Variants in UCHL5 observed in about 807,000 individuals in gnomAD.
The protein encoded by UCHL5 is ubiquitin carboxyl-terminal hydrolase isozyme L5.
Under a neutral mutation model 53.8 loss-of-function variants are expected in UCHL5, and 34 were observed. The observed-to-expected ratio is 0.63, with a 90% CI of 0.48 to 0.84. The LOEUF (loss-of-function observed/expected upper bound fraction) is 0.84. UCHL5 is among the 40% of genes least tolerant of loss of function. The probability of loss-of-function intolerance (pLI) is 0.00; values close to 1 mark genes in which losing one functional copy is unlikely to be tolerated. For synonymous variants in UCHL5, 111 were observed against 126.3 expected, an observed-to-expected ratio of 0.88 and a Z score of 0.81; for missense variants, 290 against 385.6, an observed-to-expected ratio of 0.75 and a Z score of 2.08.
At chr1:193,027,850 C>T in intron 7 of UCHL5, 3 of 1,395,580 alleles carry the variant, frequency 2.1e-6, no homozygotes, top group Non-Finnish European at 2.9e-6. Context: ...TGGCTGGGCA[C>T]AGTGGCTCAC....
At chr1:193,027,266 T>C (rs1425195948) in intron 7 of UCHL5, among the ~76,000 whole-genome samples, 1 of 152,170 alleles carries the variant, frequency 6.6e-6, no homozygotes, top group Non-Finnish European at 1.5e-5. Context: ...TATTATTTCT[T>C]ACAACTGAAT....
rs1283114870 is a variant in UCHL5 at position 193,015,523 on chromosome 1, C to T, written c.*828G>A. ...ATTTATTCAAATTGGCATAGAAAGACCCCCATCACCACTACCATCTTTTTA... is the reference window on the plus strand; with the variant it reads ...ATTTATTCAAATTGGCATAGAAAGATCCCCATCACCACTACCATCTTTTTA... On this transcript the variant is annotated 3_prime_UTR_variant, in exon 11 of 11. Coordinates refer to ENST00000367454, the MANE Select transcript of UCHL5 (RefSeq NM_001199261.3). The T allele has an allele frequency of 6.6e-6, 1 of 151,888 alleles. No individual in the cohort carries two copies. Among genetic ancestry groups the T allele is most frequent in the African/African-American group, 2.4e-5 (1 of 41,386 alleles). 9.4% of individuals were successfully genotyped at this position (151,888 alleles called of 1,614,324 possible).
At chr1:193,052,052 G>A (rs1332289438) in intron 1 of UCHL5, among the ~76,000 whole-genome samples, 2 of 151,936 alleles carry the variant, frequency 1.3e-5, no homozygotes, top group Non-Finnish European at 1.5e-5. Flanking sequence ...ACCACTCTAT[G>A]ACTGTTCCTT....
Position 193,049,769 on chromosome 1 carries a change from C to T in UCHL5, c.223G>A (p.Asp75Asn). Residue 75 changes from aspartate to asparagine, a missense_variant, in exon 3 of 11, where the codon GAC (aspartate) becomes AAC (asparagine). Transcript: ENST00000367454. ...ACCTGCTTAGCAAAAAATATCGTGT[C>T]AAGTCGGGAGTCCTGAACCACAGAG... is the stretch of plus-strand genomic sequence containing the variant. ...AGSVVQDSRL[D>N]TIFFAKQVIN... 1 of 1,611,364 alleles carries T rather than the reference C, an allele frequency of 6.2e-7. No individual in the cohort carries two copies. The highest frequency in any genetic ancestry group is 8.5e-7 in the Non-Finnish European group (1 of 1,178,564).
rs1654735557 is a variant in UCHL5, at chr1:193,015,352, A to G, written c.*999T>C. ...AAGTAGGTTACTTCCTTTAAAAAAG[A>G]AAGCTTTATAAAGTCTTCTTTAAAG... On this transcript the variant is annotated 3_prime_UTR_variant, in exon 11 of 11. Coordinates refer to ENST00000367454, the MANE Select transcript of UCHL5 (RefSeq NM_001199261.3). The G allele has an allele frequency of 1.3e-5, 2 of 152,210 alleles. No homozygotes were observed. The highest frequency in any genetic ancestry group is 4.1e-4 in the South Asian group (2 of 4,828). The allele number at this position is 152,210 out of a possible 1,614,324, so 9.4% of individuals were successfully genotyped here.
At chr1:193,025,001 A>G (rs1658623299) in intron 7 of UCHL5, among the ~76,000 whole-genome samples, 1 of 152,198 alleles carries the variant, frequency 6.6e-6, no homozygotes, top group Admixed American at 6.5e-5. Context: ...ACATTCTGAA[A>G]GGTAGAAAAA....
chr1:193,020,319 T>C, intron 10 of UCHL5: 1 of 1,546,774 alleles, frequency 6.5e-7, no homozygotes, highest in Non-Finnish European at 8.7e-7. Flanking sequence ...TGTATTCTCG[T>C]CTTTAAGTTA....
intron 1 of UCHL5, among the ~76,000 whole-genome samples, chr1:193,054,345 CCCCTAA>C (rs1670002860): frequency 6.6e-6 from 1 of 152,150 alleles, no homozygotes; most frequent in Non-Finnish European, 1.5e-5. Flanking sequence ...ACTTGTCATT[CCCCTAA>C]CCCTACCGAT....
At chr1:193,053,489 T>A (rs1053322825) in intron 1 of UCHL5, among the ~76,000 whole-genome samples, 1 of 152,212 alleles carries the variant, frequency 6.6e-6, no homozygotes, top group African/African-American at 2.4e-5. Flanking sequence ...TCTATCTCCT[T>A]ACATATGTTA....
Position 193,014,335 on chromosome 1 carries a change from C to T in UCHL5, c.*2016G>A, listed in dbSNP as rs1654582855. The T allele has an allele frequency of 6.6e-6, 1 of 152,034 alleles. No individual in the cohort carries two copies. The highest frequency in any genetic ancestry group is 6.6e-5 in the Admixed American group (1 of 15,254). 9.4% of individuals were successfully genotyped at this position (152,034 alleles called of 1,614,324 possible). On this transcript the variant is annotated 3_prime_UTR_variant, in exon 11 of 11. Transcript: ENST00000367454. Reference sequence around the variant, plus strand: ...AACCACTCTTAAGCTATGGAAATTCCTATTAAGGAATTTTATTAGATTAAT... The same window carrying T: ...AACCACTCTTAAGCTATGGAAATTCTTATTAAGGAATTTTATTAGATTAAT...
In UCHL5 at chr1:193,029,388, C is replaced by T; in HGVS notation, c.434G>A (p.Arg145Lys). Residue 145 changes from arginine to lysine, a missense_variant and splice_region_variant, in exon 5 of 11, where the codon AGA becomes AAA. By Grantham distance (26) the Arg-to-Lys change is conservative (BLOSUM62 2). Coordinates refer to ENST00000367454, the MANE Select transcript of UCHL5 (RefSeq NM_001199261.3). ...VIRQVHNSFA[R>K]QQMFEFDTKT... ...TTTATTTAACATAAAGTCTCTTTACCTGGCGAAACTGTTGTGTACTTGTCG... is the reference window on the plus strand; with the variant it reads ...TTTATTTAACATAAAGTCTCTTTACTTGGCGAAACTGTTGTGTACTTGTCG... The T allele has an allele frequency of 2.5e-6, 4 of 1,613,698 alleles. No individual in the cohort carries two copies. The highest frequency in any genetic ancestry group is 3.4e-6 in the Non-Finnish European group (4 of 1,179,836).
intron 3 of UCHL5, among the ~76,000 whole-genome samples, chr1:193,039,188 GCCAACCTGGCCTCAAGTTTGAGA>G (rs1032704264): frequency 2.0e-5 from 3 of 152,030 alleles, no homozygotes; most frequent in African/African-American, 7.2e-5. Context: ...ATCACTTGAG[GCCAACCTGGCCTCAAGTTTGAGA>G]CCAACCTGGC....
intron 9 of UCHL5, 50 bp from the exon 10 acceptor site, chr1:193,021,245 T>C (rs1329906902): frequency 1.6e-6 from 2 of 1,257,684 alleles, no homozygotes; most frequent in South Asian, 1.2e-5. Flanking sequence ...CTAATTTTGA[T>C]ATTTTATTCT....
chr1:193,037,416 C>G (rs1663929806), intron 3 of UCHL5, among the ~76,000 whole-genome samples: 1 of 151,856 alleles, frequency 6.6e-6, no homozygotes, highest in Non-Finnish European at 1.5e-5. Context: ...ATACATACAA[C>G]CTACCAAGAC....
At chr1:193,031,600 G>A (rs962798672) in intron 3 of UCHL5, among the ~76,000 whole-genome samples, 12 of 152,068 alleles carry the variant, frequency 7.9e-5, no homozygotes, top group African/African-American at 2.2e-4. Context: ...CCACCAAGTG[G>A]TTATGCTATA....
At chr1:193,032,404 G>A (rs374564049) in intron 3 of UCHL5, among the ~76,000 whole-genome samples, 11 of 152,028 alleles carry the variant, frequency 7.2e-5, no homozygotes, top group Admixed American at 1.3e-4. Context: ...TTAAACGTAA[G>A]ACCTAAAACT....
intron 1 of UCHL5, among the ~76,000 whole-genome samples, chr1:193,057,819 C>T (rs1275904794): frequency 1.3e-5 from 2 of 152,198 alleles, no homozygotes; most frequent in African/African-American, 4.8e-5. Flanking sequence ...CTGTGCTCCT[C>T]CATGACCTGT....
At chr1:193,049,993 C>T (rs1190591253) in intron 2 of UCHL5, 142 bp from the exon 3 acceptor site, 2 of 643,482 alleles carry the variant, frequency 3.1e-6, no homozygotes, top group Admixed American at 3.4e-5. Context: ...ATCACTATTG[C>T]CATTCATAGT....
At chr1:193,059,637 A>G (rs368044332), upstream of UCHL5, 248 of 1,396,982 alleles carry the variant, frequency 1.8e-4, 1 homozygote, top group Non-Finnish European at 2.2e-4. The surrounding 1 kb of genome is among the most constrained non-coding windows in gnomAD (Gnocchi z 4.9). Flanking sequence ...CCGAACCTGG[A>G]ATCCCCGGCG....
Sources: gnomAD v4.1 joint callset for allele counts (sites outside exome capture counted in the v4.1 genomes callset) on GRCh38, gnomAD v4.1.1 for gene constraint, Gnocchi (gnomAD v3.1) non-coding constraint, MANE v1.5 for transcripts, NCBI Gene and HGNC (gene_info 2026-07-23, HGNC 2026-07-21) for gene names.